PRKN: variants seen among roughly 807,000 people sequenced by gnomAD.
PRKN encodes E3 ubiquitin-protein ligase parkin.
PRKN carries 56 observed loss-of-function variants against 59.5 expected under a neutral mutation model. The observed-to-expected ratio is 0.94, with a 90% CI of 0.76 to 1.18. PRKN has a LOEUF of 1.18. Among genes scored for constraint, PRKN ranks in the 50% most tolerant of loss-of-function variants. The probability of loss-of-function intolerance (pLI) is 0.00; values close to 1 mark genes in which losing one functional copy is unlikely to be tolerated. For missense variants in PRKN, 657 were observed against 596.4 expected, an observed-to-expected ratio of 1.10 and a Z score of -1.06; for synonymous variants, 250 against 222.1, an observed-to-expected ratio of 1.13 and a Z score of -1.12.
At chr6:162,167,907 T>G (rs764398040) in intron 4 of PRKN, among the ~76,000 whole-genome samples, 2 of 152,218 alleles carry the variant, frequency 1.3e-5, no homozygotes, top group African/African-American at 4.8e-5. Context: ...GCATGAGATA[T>G]AGAATATTTT....
chr6:162,616,828 T>A (rs1411105355), intron 1 of PRKN, among the ~76,000 whole-genome samples: 1 of 152,150 alleles, frequency 6.6e-6, no homozygotes, highest in Non-Finnish European at 1.5e-5. Flanking sequence ...TCTTTTAAAG[T>A]CAGCAACATC....
intron 7 of PRKN, among the ~76,000 whole-genome samples, chr6:161,699,282 C>A (rs1347957636): frequency 2.0e-5 from 3 of 152,136 alleles, no homozygotes; most frequent in East Asian, 1.9e-4. Context: ...TACAATGGTA[C>A]AACCACTTTG....
At position 161,466,514 on chromosome 6, in the gene PRKN, C is replaced by T. The variant is rs752112357; in HGVS notation, c.1084-79637G>A. Among the ~76,000 whole-genome samples, 3 of 152,168 alleles carry T rather than the reference C, an allele frequency of 2.0e-5. No homozygotes were observed. The highest frequency in any genetic ancestry group is 4.4e-5 in the Non-Finnish European group (3 of 68,046). ...CTGCTCTGATCTGTTTAGGCAGAAGCTTAAACAATTCTGCTTGCTCAACTA... is the reference window on the plus strand; with the variant it reads ...CTGCTCTGATCTGTTTAGGCAGAAGTTTAAACAATTCTGCTTGCTCAACTA... On this transcript the variant is annotated intron_variant, in intron 9 of 11. Transcript: ENST00000366898. The surrounding 1 kb of genome is among the most constrained non-coding windows in gnomAD (Gnocchi z 5.0).
chr6:161,364,068 C>T (rs928030570), intron 10 of PRKN, among the ~76,000 whole-genome samples: 21 of 150,456 alleles, frequency 1.4e-4, no homozygotes, highest in African/African-American at 5.1e-4. Flanking sequence ...ACTCAGGAGG[C>T]TGAGGCAGAA....
intron 2 of PRKN, among the ~76,000 whole-genome samples, chr6:162,338,463 G>A (rs914955521): frequency 2.4e-4 from 37 of 152,158 alleles, no homozygotes; most frequent in South Asian, 1.4e-3. Flanking sequence ...TGTGTTGGCC[G>A]GGCCGGTCTC....
chr6:162,145,454 C>T (rs1347467735), intron 4 of PRKN, among the ~76,000 whole-genome samples: 1 of 152,144 alleles, frequency 6.6e-6, no homozygotes, highest in Non-Finnish European at 1.5e-5. Context: ...GGAATATTTA[C>T]ACATTGGGGG....
intron 5 of PRKN, among the ~76,000 whole-genome samples, chr6:162,021,746 G>T (rs1783212461): frequency 6.6e-6 from 1 of 151,948 alleles, no homozygotes; most frequent in South Asian, 2.1e-4. Flanking sequence ...TTGTACATGG[G>T]TATATCGTGT....
rs1057036633 is a variant in PRKN, at chr6:161,538,988, C to T, written c.1083+9866G>A. On this transcript the variant is annotated intron_variant, in intron 9 of 11. Transcript: ENST00000366898. This position sits in a 1 kb window ranked among gnomAD's most constrained non-coding sequence, Gnocchi z 4.2. The stretch of plus-strand genomic sequence containing the variant: ...TCCTGTTTCGTGTGAAGAGTGAGGG[C>T]GTGCTGCTTCTTCATCATGCCATGA... Among the ~76,000 whole-genome samples the T allele has an allele frequency of 6.6e-6, 1 of 152,114 alleles. No individual in the cohort carries two copies. Among genetic ancestry groups the T allele is most frequent in the East Asian group, 1.9e-4 (1 of 5,170 alleles).
intron 9 of PRKN, among the ~76,000 whole-genome samples, chr6:161,403,150 C>T (rs1327667646): frequency 1.3e-5 from 2 of 152,136 alleles, no homozygotes; most frequent in Non-Finnish European, 2.9e-5. Flanking sequence ...GCCCTTCCTC[C>T]CTCTCGATTT....
In PRKN at chr6:161,578,751, T is replaced by C. The variant is rs1447011735; in HGVS notation, c.872-9335A>G. On this transcript the variant is annotated intron_variant, in intron 7 of 11. Coordinates refer to ENST00000366898, the MANE Select transcript of PRKN (RefSeq NM_004562.3). This position sits in a 1 kb window ranked among gnomAD's most constrained non-coding sequence, Gnocchi z 4.2. ...AGATTTTCTGTGGTCATTTGGGAGG[T>C]TTGAGACAGAGGACAAGGTAGAACA... is the stretch of plus-strand genomic sequence containing the variant. Among the ~76,000 whole-genome samples the C allele has an allele frequency of 6.6e-6, 1 of 152,108 alleles. No individual in the cohort carries two copies. Among genetic ancestry groups the C allele is most frequent in the Non-Finnish European group, 1.5e-5 (1 of 68,028 alleles).
chr6:162,146,740 G>A (rs1024799031), intron 4 of PRKN, among the ~76,000 whole-genome samples: 2 of 151,864 alleles, frequency 1.3e-5, no homozygotes, highest in Admixed American at 6.6e-5. Flanking sequence ...CCTGACCTCA[G>A]GTGATCCGCC....
chr6:162,265,667 C>T (rs1446175111), intron 2 of PRKN, among the ~76,000 whole-genome samples: 1 of 152,128 alleles, frequency 6.6e-6, no homozygotes, highest in Non-Finnish European at 1.5e-5. Flanking sequence ...CTGCACTGCA[C>T]AGAGCAAGAC....
chr6:162,495,856 G>A (rs1014402244), intron 1 of PRKN, among the ~76,000 whole-genome samples: 5 of 152,112 alleles, frequency 3.3e-5, no homozygotes, highest in Non-Finnish European at 4.4e-5. Flanking sequence ...TGACACAGCC[G>A]GTCCGGGGTC....
intron 5 of PRKN, among the ~76,000 whole-genome samples, chr6:162,010,257 T>C (rs1392725379): frequency 1.5e-5 from 2 of 131,912 alleles, no homozygotes; most frequent in Non-Finnish European, 3.1e-5. Flanking sequence ...ATACATAATA[T>C]ATATTTTATA....
At chr6:162,504,274 A>G (rs1793508189) in intron 1 of PRKN, among the ~76,000 whole-genome samples, 1 of 152,212 alleles carries the variant, frequency 6.6e-6, no homozygotes, top group African/African-American at 2.4e-5. Flanking sequence ...CACGTGTTTT[A>G]GGGCCTGCAA....
chr6:162,420,289 C>T (rs1244344566), intron 2 of PRKN, among the ~76,000 whole-genome samples: 1 of 151,950 alleles, frequency 6.6e-6, no homozygotes, highest in African/African-American at 2.4e-5. Context: ...TGGTGTAAAG[C>T]ATTATGTTTA....
In PRKN at chr6:161,459,903, A is replaced by G. The variant is rs1351532164; in HGVS notation, c.1084-73026T>C. Among the ~76,000 whole-genome samples the G allele has an allele frequency of 6.6e-6, 1 of 152,218 alleles. No homozygotes were observed. Among genetic ancestry groups the G allele is most frequent in the Non-Finnish European group, 1.5e-5 (1 of 68,044 alleles). Reference sequence around the variant, plus strand: ...GAAAGTTGGTTTCTTGGTGCTGCTTACATTATTTTATTTAGATAAGAAAAT... The same window carrying G: ...GAAAGTTGGTTTCTTGGTGCTGCTTGCATTATTTTATTTAGATAAGAAAAT... On this transcript the variant is annotated intron_variant, in intron 9 of 11. Coordinates refer to ENST00000366898, the MANE Select transcript of PRKN (RefSeq NM_004562.3). The surrounding 1 kb of genome is among the most constrained non-coding windows in gnomAD (Gnocchi z 4.8).
rs576346890 is a variant in PRKN at position 161,463,903 on chromosome 6, T to C, written c.1084-77026A>G. Among the ~76,000 whole-genome samples, 10 of 152,232 alleles carry C rather than the reference T, an allele frequency of 6.6e-5. No homozygotes were observed. The highest frequency in any genetic ancestry group is 5.9e-4 in the Admixed American group (9 of 15,282). On this transcript the variant is annotated intron_variant, in intron 9 of 11. Transcript: ENST00000366898. The surrounding 1 kb of genome is among the most constrained non-coding windows in gnomAD (Gnocchi z 4.8). ...CTTATATTTAAGATACTGTACTCCATAGAGCTAGGATGGTAGACATCAACA... is the reference window on the plus strand; with the variant it reads ...CTTATATTTAAGATACTGTACTCCACAGAGCTAGGATGGTAGACATCAACA...
chr6:162,191,757 T>A (rs941225591), intron 4 of PRKN, among the ~76,000 whole-genome samples: 1 of 152,150 alleles, frequency 6.6e-6, no homozygotes, highest in Non-Finnish European at 1.5e-5. Context: ...TTATCTGTTT[T>A]ATATAGAAGA....
Sources: allele counts gnomAD v4.1 joint callset (sites outside exome capture counted in the v4.1 genomes callset), GRCh38; gene constraint gnomAD v4.1.1; non-coding constraint Gnocchi (gnomAD v3.1); transcripts MANE v1.5; gene names NCBI Gene and HGNC (gene_info 2026-07-23, HGNC 2026-07-21).